PAK5: variants seen among roughly 807,000 people sequenced by gnomAD.
PAK5 encodes the protein p21 (RAC1) activated kinase 5.
PAK5 carries 16 observed loss-of-function variants against 65.9 expected under a neutral mutation model. The ratio of observed to expected loss-of-function variants is 0.24; its 90% confidence interval spans 0.16 to 0.37. The LOEUF (loss-of-function observed/expected upper bound fraction) is 0.37. Among genes scored for constraint, PAK5 ranks in the 10% least tolerant of loss-of-function variants. PAK5 has a pLI of 1.00. For synonymous variants in PAK5, 371 were observed against 354.9 expected (o/e 1.05, Z -0.51); for missense variants, 785 against 903.9 (o/e 0.87, Z 1.69).
intron 4 of PAK5, among the ~76,000 whole-genome samples, chr20:9,575,009 A>G (rs2045860706): frequency 6.6e-6 from 1 of 152,172 alleles, no homozygotes; most frequent in Non-Finnish European, 1.5e-5. Flanking sequence ...GAATCTGGGC[A>G]TGACAAGTAC....
intron 2 of PAK5, among the ~76,000 whole-genome samples, chr20:9,699,629 A>G (rs1036570986): frequency 1.3e-5 from 2 of 151,222 alleles, no homozygotes; most frequent in East Asian, 3.9e-4. Flanking sequence ...CAACATATAC[A>G]TAAGTAATGC....
chr20:9,604,360 T>A (rs1438131579), intron 3 of PAK5, among the ~76,000 whole-genome samples: 3 of 152,196 alleles, frequency 2.0e-5, no homozygotes, highest in Admixed American at 2.0e-4. Flanking sequence ...CTGGACCCTC[T>A]CCCCTGTATG....
At chr20:9,724,242 A>T (rs1347554806) in intron 1 of PAK5, among the ~76,000 whole-genome samples, 2 of 152,192 alleles carry the variant, frequency 1.3e-5, no homozygotes, top group African/African-American at 2.4e-5. Flanking sequence ...GTACCAAAGT[A>T]TGATATTTTT....
intron 3 of PAK5, among the ~76,000 whole-genome samples, chr20:9,605,142 C>G (rs983747755): frequency 4.6e-5 from 7 of 152,148 alleles, no homozygotes; most frequent in African/African-American, 1.4e-4. Context: ...CAGCAGATGC[C>G]CTGCAGAGCC....
At chr20:9,715,667 C>A (rs998235591) in intron 1 of PAK5, among the ~76,000 whole-genome samples, 5 of 151,762 alleles carry the variant, frequency 3.3e-5, no homozygotes, top group Non-Finnish European at 7.4e-5. Flanking sequence ...CAATGATAGA[C>A]AGAATTAAGA....
intron 3 of PAK5, among the ~76,000 whole-genome samples, chr20:9,632,561 G>C (rs2046935915): frequency 6.6e-6 from 1 of 152,178 alleles, no homozygotes. Flanking sequence ...TAATGATAGG[G>C]AATCATAGTC....
intron 2 of PAK5, among the ~76,000 whole-genome samples, chr20:9,663,854 C>T (rs1174958674): frequency 6.6e-6 from 1 of 152,130 alleles, no homozygotes; most frequent in East Asian, 1.9e-4. Flanking sequence ...GTGTAACTGG[C>T]TTTTGTTGCC....
intron 1 of PAK5, among the ~76,000 whole-genome samples, chr20:9,760,673 C>CTTTTTTTTTTTTTTTTTTTT (rs5840332): frequency 8.1e-6 from 1 of 122,798 alleles, no homozygotes; most frequent in Non-Finnish European, 1.6e-5. Context: ...CTTTTCTTTT[C>CTTTTTTTTTTTTTTTTTTTT]TTTTTTTTTT....
At chr20:9,778,378 C>T (rs754603797) in intron 1 of PAK5, among the ~76,000 whole-genome samples, 34 of 152,144 alleles carry the variant, frequency 2.2e-4, no homozygotes, top group Admixed American at 5.9e-4. Flanking sequence ...GCTAGGACTA[C>T]AGGTGCACAT....
chr20:9,685,851 C>T, intron 2 of PAK5, among the ~76,000 whole-genome samples: 1 of 152,178 alleles, frequency 6.6e-6, no homozygotes. Context: ...ATGTCAATGA[C>T]ACCCTCTGTG....
At chr20:9,655,970 T>G (rs538020317) in intron 2 of PAK5, among the ~76,000 whole-genome samples, 1 of 152,300 alleles carries the variant, frequency 6.6e-6, no homozygotes, top group African/African-American at 2.4e-5. Flanking sequence ...CATTTTAATT[T>G]AATCATCTCT....
intron 2 of PAK5, among the ~76,000 whole-genome samples, chr20:9,647,312 A>C (rs2123285843): frequency 6.6e-6 from 1 of 152,366 alleles, no homozygotes; most frequent in South Asian, 2.1e-4. Context: ...AGCATAAAAT[A>C]CATTTGAAAA....
At chr20:9,755,438 C>T (rs987994672) in intron 1 of PAK5, among the ~76,000 whole-genome samples, 1 of 152,140 alleles carries the variant, frequency 6.6e-6, no homozygotes, top group Admixed American at 6.5e-5. Context: ...CAAATAAATG[C>T]CTCATAGGGC....
At chr20:9,711,238 A>C (rs985656624) in intron 2 of PAK5, 48 bp downstream of exon 2, 2 of 152,176 alleles carry the variant, frequency 1.3e-5, no homozygotes, top group Admixed American at 6.6e-5. Flanking sequence ...TGTTTAATTT[A>C]AAATACATTT....
chr20:9,678,855 C>T (rs973324735), intron 2 of PAK5, among the ~76,000 whole-genome samples: 5 of 152,124 alleles, frequency 3.3e-5, no homozygotes, highest in African/African-American at 7.2e-5. Context: ...GTCCCTCCCA[C>T]GACACATGGG....
At chr20:9,647,713 T>C (rs1335150113) in intron 2 of PAK5, among the ~76,000 whole-genome samples, 1 of 152,216 alleles carries the variant, frequency 6.6e-6, no homozygotes, top group Non-Finnish European at 1.5e-5. Context: ...TGGTCAAACA[T>C]GCAGTTCTAC....
intron 7 of PAK5, among the ~76,000 whole-genome samples, chr20:9,547,229 C>T (rs1487882908): frequency 1.3e-5 from 2 of 152,158 alleles, no homozygotes; most frequent in East Asian, 1.9e-4. Context: ...ACTTCTCCCT[C>T]AGAGCTTCCA....
intron 1 of PAK5, among the ~76,000 whole-genome samples, chr20:9,829,255 C>G (rs935650598): frequency 6.6e-6 from 1 of 152,202 alleles, no homozygotes; most frequent in East Asian, 1.9e-4. Flanking sequence ...AACAGAAATG[C>G]TGAATCTGAG....
At chr20:9,609,258 G>C (rs1027150166) in intron 3 of PAK5, among the ~76,000 whole-genome samples, 1 of 152,178 alleles carries the variant, frequency 6.6e-6, no homozygotes, top group African/African-American at 2.4e-5. Flanking sequence ...TTGGCTTTCA[G>C]GTAGAGTCAC....
Sources: allele counts gnomAD v4.1 joint callset (sites outside exome capture counted in the v4.1 genomes callset), GRCh38; gene constraint gnomAD v4.1.1; transcripts MANE v1.5; gene names NCBI Gene and HGNC (gene_info 2026-07-23, HGNC 2026-07-21).